DCDC2: variants seen among roughly 807,000 people sequenced by gnomAD.
The protein encoded by DCDC2 is doublecortin domain-containing protein 2.
A neutral mutation model predicts 50.2 loss-of-function variants in DCDC2; 40 were observed. The ratio of observed to expected loss-of-function variants is 0.80; its 90% CI spans 0.62 to 1.04. The LOEUF is 1.04. Among genes scored for constraint, DCDC2 ranks in the 50% least tolerant of loss-of-function variants. The pLI is 0.00. For synonymous variants in DCDC2, 234 were observed against 210.6 expected (o/e 1.11, Z -0.96); for missense variants, 570 against 581.9 (o/e 0.98, Z 0.21).
intron 7 of DCDC2, among the ~76,000 whole-genome samples, chr6:24,262,350 T>C (rs1265077663): frequency 6.6e-6 from 1 of 152,234 alleles, no homozygotes; most frequent in Non-Finnish European, 1.5e-5. Flanking sequence ...GAGTTCAAAC[T>C]AGCCCCATCA....
intron 4 of DCDC2, among the ~76,000 whole-genome samples, chr6:24,301,051 T>TA (rs1334607359): frequency 6.9e-4 from 25 of 36,424 alleles, no homozygotes; most frequent in African/African-American, 3.0e-3. Context: ...AATGACCCCT[T>TA]TAAAAAAAAA....
At chr6:24,192,295 A>T (rs1761331591) in intron 8 of DCDC2, among the ~76,000 whole-genome samples, 1 of 152,100 alleles carries the variant, frequency 6.6e-6, no homozygotes, top group African/African-American at 2.4e-5. Flanking sequence ...AAGGATATAG[A>T]CCCCAAAAGA....
intron 8 of DCDC2, among the ~76,000 whole-genome samples, chr6:24,198,638 T>C (rs1261369524): frequency 6.6e-6 from 1 of 151,582 alleles, no homozygotes; most frequent in Non-Finnish European, 1.5e-5. Context: ...CAGTGGTGCC[T>C]GGAATGCCAG....
chr6:24,267,055 C>G (rs1394495017), intron 7 of DCDC2, among the ~76,000 whole-genome samples: 3 of 152,084 alleles, frequency 2.0e-5, no homozygotes, highest in Non-Finnish European at 4.4e-5. Context: ...AATCCAGGCA[C>G]AAAGACAAAC....
intron 7 of DCDC2, among the ~76,000 whole-genome samples, chr6:24,248,372 C>T (rs1762729315): frequency 6.6e-6 from 1 of 152,258 alleles, no homozygotes; most frequent in East Asian, 1.9e-4. Flanking sequence ...CTTCAAGCCC[C>T]GATTCCTTGT....
chr6:24,285,287 C>T (rs898778470), intron 6 of DCDC2, among the ~76,000 whole-genome samples: 3 of 152,194 alleles, frequency 2.0e-5, no homozygotes, highest in Non-Finnish European at 4.4e-5. Context: ...CGTTTGACAA[C>T]TTTGCTTTCT....
intron 4 of DCDC2, among the ~76,000 whole-genome samples, chr6:24,295,889 C>T (rs1199730941): frequency 2.0e-5 from 3 of 152,072 alleles, no homozygotes; most frequent in Non-Finnish European, 4.4e-5. Context: ...ATGAAAATGG[C>T]CATATACTGC....
At chr6:24,251,387 T>C (rs1326562590) in intron 7 of DCDC2, among the ~76,000 whole-genome samples, 1 of 152,232 alleles carries the variant, frequency 6.6e-6, no homozygotes, top group Non-Finnish European at 1.5e-5. Flanking sequence ...TTTGGTCTGT[T>C]ACTTTAGAGA....
At chr6:24,357,038 A>C (rs1760482367) in intron 1 of DCDC2, 1 of 159,106 alleles carries the variant, frequency 6.3e-6, no homozygotes, top group South Asian at 1.9e-4. Context: ...TCCTCTGGTG[A>C]CAATATAGTG....
chr6:24,362,822 C>T (rs1387047351), upstream of DCDC2, among the ~76,000 whole-genome samples: 1 of 152,184 alleles, frequency 6.6e-6, no homozygotes, highest in East Asian at 1.9e-4. Context: ...CTCTTCTTCA[C>T]AGAACACATT....
chr6:24,302,292 T>C (rs1561766651), intron 2 of DCDC2, among the ~76,000 whole-genome samples: 1 of 31,296 alleles, frequency 3.2e-5, no homozygotes, highest in East Asian at 8.8e-4. Flanking sequence ...TCATGATCTG[T>C]GGAAAAAAAA....
intron 7 of DCDC2, among the ~76,000 whole-genome samples, chr6:24,255,106 CAAAG>C (rs776231270): frequency 7.2e-5 from 11 of 152,074 alleles, no homozygotes; most frequent in Non-Finnish European, 1.6e-4. Flanking sequence ...CAGTGCAGTA[CAAAG>C]ATAGACAACA....
At chr6:24,359,013 ATATATTTTATATTT>A (rs1395376708), upstream of DCDC2, among the ~76,000 whole-genome samples, 1 of 21,968 alleles carries the variant, frequency 4.6e-5, no homozygotes, top group African/African-American at 1.7e-4. Flanking sequence ...TTTATATATT[ATATATTTTATATTT>A]TATATTTTAT....
rs1759841653 is a variant in DCDC2 at position 24,325,423 on chromosome 6, C to T, written c.349-23379G>A. Among the ~76,000 whole-genome samples the T allele has an allele frequency of 1.3e-5, 2 of 149,412 alleles. 1 individual carries two copies. The highest frequency in any genetic ancestry group is 3.0e-5 in the Non-Finnish European group (2 of 67,180). ...TGAAGAATAACCTAGATCTTGGCTCCCACTGGCAAAGATGAGTGGGGGTTA... is the reference window on the plus strand; with the variant it reads ...TGAAGAATAACCTAGATCTTGGCTCTCACTGGCAAAGATGAGTGGGGGTTA... On this transcript the variant is annotated intron_variant, in intron 2 of 9. Coordinates refer to ENST00000378454, the MANE Select transcript of DCDC2 (RefSeq NM_016356.5).
At chr6:24,270,111 C>G (rs917386749) in intron 7 of DCDC2, among the ~76,000 whole-genome samples, 2 of 152,174 alleles carry the variant, frequency 1.3e-5, no homozygotes, top group African/African-American at 2.4e-5. Flanking sequence ...AACACACACA[C>G]GAGAGCTTCC....
At chr6:24,252,195 C>A (rs1172957899) in intron 7 of DCDC2, among the ~76,000 whole-genome samples, 2 of 152,204 alleles carry the variant, frequency 1.3e-5, no homozygotes, top group Non-Finnish European at 2.9e-5. Flanking sequence ...CAAAGCCATT[C>A]CAGCCCATAG....
chr6:24,191,002 T>C (rs907449258), intron 8 of DCDC2, among the ~76,000 whole-genome samples: 1 of 152,228 alleles, frequency 6.6e-6, no homozygotes, highest in African/African-American at 2.4e-5. Context: ...GCTGTGCTAA[T>C]TCTACTACCA....
upstream of DCDC2, among the ~76,000 whole-genome samples, chr6:24,358,916 A>ATAT (rs1760558154): frequency 1.9e-5 from 1 of 53,098 alleles, no homozygotes; most frequent in East Asian, 7.1e-4. Flanking sequence ...TATATATTAT[A>ATAT]TATATTATAT....
At chr6:24,215,162 ACAAAT>A (rs1761948333) in intron 7 of DCDC2, among the ~76,000 whole-genome samples, 1 of 152,216 alleles carries the variant, frequency 6.6e-6, no homozygotes, top group Non-Finnish European at 1.5e-5. Flanking sequence ...GACGGAAGCT[ACAAAT>A]CAAAAGACAA....
Sources: allele counts gnomAD v4.1 joint callset (sites outside exome capture counted in the v4.1 genomes callset), GRCh38; gene constraint gnomAD v4.1.1; transcripts MANE v1.5; gene names NCBI Gene and HGNC (gene_info 2026-07-23, HGNC 2026-07-21).